ANKRD62: variants seen among roughly 807,000 people sequenced by gnomAD.
The protein encoded by ANKRD62 is ankyrin repeat domain 62.
In ANKRD62, 61 loss-of-function variants were observed where a neutral mutation model predicts 98.8. The observed-to-expected ratio is 0.62, with a 90% CI of 0.50 to 0.76. The LOEUF is 0.76. Ranked by LOEUF, ANKRD62 falls within the 30% of genes least tolerant of loss-of-function variation. The pLI is 0.00. For missense variants in ANKRD62, 933 were observed against 1,082.9 expected, an observed-to-expected ratio of 0.86 and a Z score of 1.94; for synonymous variants, 341 against 367.9, an observed-to-expected ratio of 0.93 and a Z score of 0.84.
intron 7 of ANKRD62, among the ~76,000 whole-genome samples, chr18:12,103,861 G>A (rs1909359989): frequency 6.6e-6 from 1 of 151,934 alleles, no homozygotes; most frequent in Non-Finnish European, 1.5e-5. Flanking sequence ...TGTCATTTGT[G>A]GACCTGAAAA....
chr18:12,164,147 T>C, the ANKRD62 span, among the ~76,000 whole-genome samples: 1 of 152,028 alleles, frequency 6.6e-6, no homozygotes, highest in Admixed American at 6.6e-5. Flanking sequence ...TTTTCTTTAC[T>C]GGGAGACTTT....
Position 12,118,747 on chromosome 18 carries a change from T to C in ANKRD62, c.1240+3213T>C, listed in dbSNP as rs184628346. On this transcript the variant is annotated intron_variant, in intron 10 of 13. Transcript: ENST00000587848. The stretch of plus-strand genomic sequence containing the variant: ...TTTTTAGCATGGAGTAATATTCCAT[T>C]GTTTGGCTGTTTAACCACAGTTTAT... Among the ~76,000 whole-genome samples, 7 of 152,320 alleles carry C rather than the reference T, an allele frequency of 4.6e-5. No homozygotes were observed. The East Asian group carries it at 1.4e-3, about 29-fold the overall frequency.
chr18:12,170,938 G>A, the ANKRD62 span, among the ~76,000 whole-genome samples: 2 of 146,690 alleles, frequency 1.4e-5, no homozygotes, highest in African/African-American at 5.1e-5. Context: ...TTTTATCAGA[G>A]ACTAGGATTG....
At chr18:12,140,922 CT>C in the ANKRD62 span, among the ~76,000 whole-genome samples, 1 of 152,094 alleles carries the variant, frequency 6.6e-6, no homozygotes. Context: ...TTATTGCTGT[CT>C]TTTTTTTGTC....
intron 13 of ANKRD62, 25 bp downstream of exon 13, chr18:12,126,408 T>G (rs9303759): frequency 5.4e-6 from 8 of 1,475,368 alleles, no homozygotes. Context: ...AGATAAGTAT[T>G]TTTCAAACTT....
At chr18:12,177,526 C>T in the ANKRD62 span, among the ~76,000 whole-genome samples, 2 of 151,958 alleles carry the variant, frequency 1.3e-5, no homozygotes, top group Non-Finnish European at 2.9e-5. Flanking sequence ...CCATCTGTTT[C>T]CCATAAGTAG....
the ANKRD62 span, among the ~76,000 whole-genome samples, chr18:12,153,843 A>G: frequency 6.6e-6 from 1 of 152,210 alleles, no homozygotes. Context: ...GCTAACAGAA[A>G]CAAGCACTGG....
chr18:12,133,361 G>A (rs1281231478), downstream of ANKRD62, among the ~76,000 whole-genome samples: 1 of 152,062 alleles, frequency 6.6e-6, no homozygotes, highest in Non-Finnish European at 1.5e-5. Context: ...TATGAATAAC[G>A]TACTGTGGAC....
chr18:12,145,976 C>T, the ANKRD62 span, among the ~76,000 whole-genome samples: 34 of 151,708 alleles, frequency 2.2e-4, no homozygotes, highest in East Asian at 1.9e-4. Flanking sequence ...GTTCCTTGGC[C>T]GACAGACATC....
chr18:12,099,731 A>C, intron 6 of ANKRD62, 49 bp downstream of exon 6: 2 of 1,128,052 alleles, frequency 1.8e-6, no homozygotes, highest in African/African-American at 1.6e-5. Flanking sequence ...TCATAGATAA[A>C]AAAGTAAGAG....
intron 8 of ANKRD62, 59 bp downstream of exon 8, chr18:12,107,526 C>T: frequency 8.0e-7 from 1 of 1,253,610 alleles, no homozygotes. Flanking sequence ...AAAATGAATT[C>T]TAATTTGGGT....
At chr18:12,122,578 T>A in intron 11 of ANKRD62, 62 bp downstream of exon 11, 1 of 1,339,496 alleles carries the variant, frequency 7.5e-7, no homozygotes, top group Non-Finnish European at 9.9e-7. Flanking sequence ...TGTAGGATAA[T>A]TTTTGTAATA....
downstream of ANKRD62, among the ~76,000 whole-genome samples, chr18:12,132,290 A>G (rs943488122): frequency 1.3e-5 from 2 of 152,150 alleles, no homozygotes; most frequent in African/African-American, 4.8e-5. Context: ...CAATGTGGCA[A>G]AACTCATTGG....
chr18:12,112,170 G>C (rs1269258342), intron 8 of ANKRD62, among the ~76,000 whole-genome samples: 1 of 149,038 alleles, frequency 6.7e-6, no homozygotes, highest in African/African-American at 2.5e-5. Flanking sequence ...ACTCAATGCT[G>C]TTCCTATTAA....
the ANKRD62 span, among the ~76,000 whole-genome samples, chr18:12,138,497 T>G: frequency 2.0e-5 from 3 of 152,260 alleles, no homozygotes; most frequent in Middle Eastern, 3.4e-3. Flanking sequence ...AGGTGTGGTG[T>G]GGTGCTGGAA....
intron 10 of ANKRD62, among the ~76,000 whole-genome samples, chr18:12,119,207 G>A (rs1308645516): frequency 6.6e-6 from 1 of 151,526 alleles, no homozygotes; most frequent in Non-Finnish European, 1.5e-5. Flanking sequence ...TTTTGTATCT[G>A]TACAGTCTGT....
At chr18:12,161,664 C>A in the ANKRD62 span, among the ~76,000 whole-genome samples, 1 of 152,142 alleles carries the variant, frequency 6.6e-6, no homozygotes, top group Non-Finnish European at 1.5e-5. Context: ...CAACTCCCAT[C>A]TCCACCTCCT....
the ANKRD62 span, among the ~76,000 whole-genome samples, chr18:12,177,481 T>C: frequency 6.6e-6 from 1 of 152,092 alleles, no homozygotes. Flanking sequence ...ATGACATCAG[T>C]GTTTGTGTCT....
At chr18:12,139,821 C>T in the ANKRD62 span, among the ~76,000 whole-genome samples, 14 of 151,978 alleles carry the variant, frequency 9.2e-5, no homozygotes, top group Admixed American at 2.6e-4. Flanking sequence ...GACAATTATG[C>T]GTCTTGGAGT....
Sources: gnomAD v4.1 joint callset for allele counts (sites outside exome capture counted in the v4.1 genomes callset) on GRCh38, gnomAD v4.1.1 for gene constraint, MANE v1.5 for transcripts, NCBI Gene and HGNC (gene_info 2026-07-23, HGNC 2026-07-21) for gene names.